The following STXBP6 variants were observed in gnomAD, a reference collection of about 807,000 sequenced individuals.
The protein encoded by STXBP6 is syntaxin-binding protein 6.
A neutral mutation model predicts 26.9 loss-of-function variants in STXBP6; 21 were observed. The observed-to-expected ratio is 0.78, with a 90% confidence interval of 0.55 to 1.12. The LOEUF (loss-of-function observed/expected upper bound fraction) is 1.12, where lower values mean the gene tolerates loss of function less well. Ranked by LOEUF, STXBP6 falls within the 50% of genes most tolerant of loss-of-function variation. The pLI is 0.00. For synonymous variants in STXBP6, 97 were observed against 92.6 expected, an observed-to-expected ratio of 1.05 and a Z score of -0.27; for missense variants, 232 against 257.9, an observed-to-expected ratio of 0.90 and a Z score of 0.69.
intron 4 of STXBP6, among the ~76,000 whole-genome samples, chr14:24,827,357 C>G (rs532495154): frequency 6.6e-6 from 1 of 152,186 alleles, no homozygotes; most frequent in Non-Finnish European, 1.5e-5. Flanking sequence ...ATTCAGCTCA[C>G]TTATTACAGA....
intron 4 of STXBP6, among the ~76,000 whole-genome samples, chr14:24,833,427 G>A (rs1210923214): frequency 6.6e-6 from 1 of 152,144 alleles, no homozygotes; most frequent in African/African-American, 2.4e-5. Flanking sequence ...ATTAAACTAG[G>A]AGCTTCTTGA....
At chr14:25,036,772 C>G (rs1320259897) in intron 1 of STXBP6, among the ~76,000 whole-genome samples, 4 of 148,364 alleles carry the variant, frequency 2.7e-5, no homozygotes, top group South Asian at 4.3e-4. Flanking sequence ...AGGAGAATGG[C>G]GTGAACCCAG....
At chr14:24,953,305 C>A (rs1050836502) in intron 2 of STXBP6, among the ~76,000 whole-genome samples, 1 of 152,294 alleles carries the variant, frequency 6.6e-6, no homozygotes, top group Non-Finnish European at 1.5e-5. Context: ...TAGTTACATC[C>A]ACAAAGACCC....
intron 2 of STXBP6, among the ~76,000 whole-genome samples, chr14:24,971,306 G>T (rs2073899450): frequency 6.6e-6 from 1 of 152,136 alleles, no homozygotes; most frequent in Non-Finnish European, 1.5e-5. Context: ...GCATATTTTG[G>T]CAAGCTTTTA....
Position 24,970,083 on chromosome 14 carries a change from A to G in STXBP6, c.154+4582T>C, listed in dbSNP as rs113074597. On this transcript the variant is annotated intron_variant, in intron 2 of 5. Transcript: ENST00000323944. The stretch of plus-strand genomic sequence containing the variant: ...ATGGTGAAACACCGTCTCTACTAAA[A>G]ATACAAAATCAGTTGGGTGCAGTGG... 7.4e-4 allele frequency among the ~76,000 whole-genome samples: 112 copies of G among 152,220 alleles called. 1 individual carries two copies. The highest frequency in any genetic ancestry group is 2.6e-3 in the African/African-American group (108 of 41,544).
At chr14:25,027,431 C>T (rs1315465954) in intron 1 of STXBP6, among the ~76,000 whole-genome samples, 2 of 152,160 alleles carry the variant, frequency 1.3e-5, no homozygotes, top group Non-Finnish European at 2.9e-5. Flanking sequence ...TGACAGTGAA[C>T]TTAATCAATA....
chr14:24,875,373 G>C (rs2070100741), intron 2 of STXBP6, among the ~76,000 whole-genome samples: 2 of 152,126 alleles, frequency 1.3e-5, no homozygotes, highest in South Asian at 4.1e-4. Context: ...TAGTATGATT[G>C]ATCTTTACAT....
intron 2 of STXBP6, among the ~76,000 whole-genome samples, chr14:24,898,984 G>A (rs2139612828): frequency 6.6e-6 from 1 of 151,932 alleles, no homozygotes; most frequent in East Asian, 1.9e-4. Flanking sequence ...TGATCAGCTT[G>A]GCCTTCAGCC....
intron 4 of STXBP6, among the ~76,000 whole-genome samples, chr14:24,846,236 C>A (rs2068957035): frequency 6.6e-6 from 1 of 152,164 alleles, no homozygotes; most frequent in Non-Finnish European, 1.5e-5. Context: ...TATAAAAGTT[C>A]TTTAGTGAAA....
intron 2 of STXBP6, among the ~76,000 whole-genome samples, chr14:24,945,546 G>A (rs1399812031): frequency 1.3e-5 from 2 of 151,862 alleles, no homozygotes; most frequent in Non-Finnish European, 2.9e-5. Context: ...CTCTAGCCTG[G>A]GTGACAGAGG....
chr14:25,019,851 A>T (rs1032128611), intron 1 of STXBP6, among the ~76,000 whole-genome samples: 1 of 151,398 alleles, frequency 6.6e-6, no homozygotes, highest in African/African-American at 2.4e-5. Flanking sequence ...TCTTATTATA[A>T]AATACAAGTT....
chr14:25,044,385 T>G (rs141360561), intron 1 of STXBP6, among the ~76,000 whole-genome samples: 1 of 152,152 alleles, frequency 6.6e-6, no homozygotes, highest in Non-Finnish European at 1.5e-5. Flanking sequence ...GCTTCCAATT[T>G]CTCCACATTC....
chr14:25,007,804 G>C (rs1436515299), intron 1 of STXBP6, among the ~76,000 whole-genome samples: 2 of 152,096 alleles, frequency 1.3e-5, no homozygotes, highest in East Asian at 1.9e-4. Context: ...ACATTCTTTT[G>C]AACATCTCAA....
intron 1 of STXBP6, among the ~76,000 whole-genome samples, chr14:25,039,458 C>T (rs1180749602): frequency 6.6e-6 from 1 of 152,172 alleles, no homozygotes; most frequent in African/African-American, 2.4e-5. Context: ...TGCTTTCTGA[C>T]TGTCTTTGTA....
In STXBP6 at chr14:24,921,920, G is replaced by C. The variant is rs187041135; in HGVS notation, c.154+52745C>G. ...TTGTTGGGTCCCTGTGCTCCTTACT[G>C]CTGCCCCTTTCACCACTGCCCTTGG... On this transcript the variant is annotated intron_variant, in intron 2 of 5. Transcript: ENST00000323944. 2.4e-3 allele frequency among the ~76,000 whole-genome samples: 359 copies of C among 151,992 alleles called. 4 individuals are homozygous for C. The highest frequency in any genetic ancestry group is 8.3e-3 in the African/African-American group (346 of 41,472).
chr14:24,836,079 C>T (rs879769872), intron 4 of STXBP6, among the ~76,000 whole-genome samples: 1 of 152,174 alleles, frequency 6.6e-6, no homozygotes, highest in African/African-American at 2.4e-5. Flanking sequence ...CAGCCAGTGG[C>T]AACACTAGTT....
chr14:24,943,122 G>A (rs2072863196), intron 2 of STXBP6, among the ~76,000 whole-genome samples: 1 of 152,190 alleles, frequency 6.6e-6, no homozygotes, highest in Non-Finnish European at 1.5e-5. Context: ...CTGGCACTGG[G>A]GGTGGGGTGT....
In STXBP6 at chr14:24,903,585, T is replaced by C. The variant is rs187572561; in HGVS notation, c.155-46428A>G. The stretch of plus-strand genomic sequence containing the variant: ...GGTACATAACTGAAACTCCACATTT[T>C]AAAATGCCTAACAGTTCACATAGAG... On this transcript the variant is annotated intron_variant, in intron 2 of 5. Coordinates refer to ENST00000323944, the MANE Select transcript of STXBP6 (RefSeq NM_001394410.1). Among the ~76,000 whole-genome samples the C allele has an allele frequency of 2.4e-3, 360 of 152,278 alleles. 1 individual carries two copies. The highest frequency in any genetic ancestry group is 3.4e-3 in the Non-Finnish European group (233 of 68,020).
At chr14:25,035,837 T>G (rs1322118285) in intron 1 of STXBP6, among the ~76,000 whole-genome samples, 2 of 152,156 alleles carry the variant, frequency 1.3e-5, no homozygotes, top group Non-Finnish European at 2.9e-5. Context: ...GTGTTAAAAA[T>G]AAAGAAACTA....
Sources: allele counts gnomAD v4.1 joint callset (sites outside exome capture counted in the v4.1 genomes callset), GRCh38; gene constraint gnomAD v4.1.1; transcripts MANE v1.5; gene names NCBI Gene and HGNC (gene_info 2026-07-23, HGNC 2026-07-21).